SLIT3: variants seen among roughly 807,000 people sequenced by gnomAD.
SLIT3 encodes the protein slit homolog 3 protein.
SLIT3 carries 68 observed loss-of-function variants against 184.0 expected under a neutral mutation model. The observed-to-expected ratio is 0.37, with a 90% CI of 0.30 to 0.45. The LOEUF (loss-of-function observed/expected upper bound fraction) is 0.45. SLIT3 is among the 20% of genes least tolerant of loss of function. The pLI is 1.00. For synonymous variants in SLIT3, 831 were observed against 828.6 expected (o/e 1.00, Z -0.05); for missense variants, 1,707 against 2,026.0 (o/e 0.84, Z 3.02).
chr5:168,901,871 A>G (rs1760884363), intron 4 of SLIT3, among the ~76,000 whole-genome samples: 1 of 152,140 alleles, frequency 6.6e-6, no homozygotes, highest in Non-Finnish European at 1.5e-5. Flanking sequence ...TGACATTTGA[A>G]TAGACAGTCC....
At chr5:168,763,704 T>C (rs957960168) in intron 14 of SLIT3, among the ~76,000 whole-genome samples, 2 of 152,208 alleles carry the variant, frequency 1.3e-5, no homozygotes, top group African/African-American at 4.8e-5. Context: ...CCTTGAATCA[T>C]GCTGGTTGGA....
At chr5:168,892,895 G>T (rs751626743) in intron 4 of SLIT3, among the ~76,000 whole-genome samples, 1 of 152,192 alleles carries the variant, frequency 6.6e-6, no homozygotes. Flanking sequence ...TACATTAGGT[G>T]GGATTGGGGA....
At chr5:168,870,088 G>A (rs1027785198) in intron 5 of SLIT3, among the ~76,000 whole-genome samples, 1 of 152,238 alleles carries the variant, frequency 6.6e-6, no homozygotes, top group African/African-American at 2.4e-5. Context: ...TCCAATAAAA[G>A]AGACCCACAT....
intron 4 of SLIT3, among the ~76,000 whole-genome samples, chr5:169,033,892 A>C (rs1000340440): frequency 6.8e-6 from 1 of 147,366 alleles, no homozygotes; most frequent in Admixed American, 7.0e-5. Context: ...GGCTCACTGC[A>C]ACCTCCACCT....
chr5:169,148,629 G>A (rs955532231), intron 4 of SLIT3, among the ~76,000 whole-genome samples: 6 of 152,210 alleles, frequency 3.9e-5, no homozygotes, highest in African/African-American at 1.4e-4. Context: ...ACGTTGTTCT[G>A]TGGCTGTCGT....
intron 12 of SLIT3, 103 bp from the exon 13 acceptor site, chr5:168,774,481 T>C (rs1326400081): frequency 1.6e-6 from 2 of 1,232,018 alleles, no homozygotes; most frequent in East Asian, 2.4e-5. Flanking sequence ...CCATCACTCA[T>C]CCTTGCAGCC....
At chr5:169,089,041 A>AAG (rs1759456705) in intron 4 of SLIT3, among the ~76,000 whole-genome samples, 1 of 144,724 alleles carries the variant, frequency 6.9e-6, no homozygotes. Flanking sequence ...AAAAAAAAAA[A>AAG]AAAAAAAAAA....
chr5:168,735,111 C>A lies in SLIT3; in HGVS notation c.2271-10627G>T, dbSNP rs571561055. ...TTCAGGAGACTGCCCTCTTGCCCCA[C>A]CAGCCTTAGAACTGCCGGAGTGTTT... On this transcript the variant is annotated intron_variant, in intron 20 of 35. Coordinates refer to ENST00000519560, the MANE Select transcript of SLIT3 (RefSeq NM_003062.4). Among the ~76,000 whole-genome samples the A allele has an allele frequency of 1.1e-4, 16 of 152,314 alleles. No homozygotes were observed. The South Asian group carries it at 2.3e-3, about 22-fold the overall frequency.
intron 4 of SLIT3, among the ~76,000 whole-genome samples, chr5:169,132,911 TA>T (rs1268783201): frequency 8.5e-5 from 13 of 152,248 alleles, no homozygotes; most frequent in Admixed American, 5.2e-4. Context: ...GCCAGGCATT[TA>T]TTTTTTTGAA....
chr5:168,828,458 C>T (rs564140304), intron 6 of SLIT3, among the ~76,000 whole-genome samples: 6 of 151,930 alleles, frequency 3.9e-5, no homozygotes, highest in African/African-American at 1.2e-4. Flanking sequence ...TAGGGAGAAC[C>T]TGTCTCTACC....
chr5:168,757,137 G>A (rs1307301179), intron 16 of SLIT3, among the ~76,000 whole-genome samples: 1 of 152,102 alleles, frequency 6.6e-6, no homozygotes, highest in Non-Finnish European at 1.5e-5. Flanking sequence ...TGTAAGAGCC[G>A]ATCACATTCT....
intron 3 of SLIT3, among the ~76,000 whole-genome samples, chr5:169,224,970 C>T (rs1226364932): frequency 6.6e-6 from 1 of 152,134 alleles, no homozygotes; most frequent in African/African-American, 2.4e-5. Context: ...AGGAATGAGC[C>T]CCCACGTTTG....
At chr5:168,752,898 A>G in intron 18 of SLIT3, 57 bp downstream of exon 18, 1 of 1,539,530 alleles carries the variant, frequency 6.5e-7, no homozygotes, top group Non-Finnish European at 9.0e-7. Context: ...CTGGGAGGAG[A>G]GAGCGCTGCA....
At chr5:169,260,452 G>A (rs181451095) in intron 1 of SLIT3, among the ~76,000 whole-genome samples, 66 of 152,268 alleles carry the variant, frequency 4.3e-4, no homozygotes, top group Non-Finnish European at 8.7e-4. Flanking sequence ...CGGGGTATTC[G>A]TCCTCCCTGA....
At chr5:169,108,046 C>T (rs1431284960) in intron 4 of SLIT3, among the ~76,000 whole-genome samples, 2 of 152,190 alleles carry the variant, frequency 1.3e-5, no homozygotes, top group Non-Finnish European at 2.9e-5. Context: ...CCTCTTTCCC[C>T]CAGCAGACCA....
intron 4 of SLIT3, among the ~76,000 whole-genome samples, chr5:169,142,080 AAAATAAATAAATAAAT>A (rs765749214): frequency 4.7e-5 from 2 of 42,768 alleles, no homozygotes; most frequent in Admixed American, 1.9e-4. Context: ...AATAAAAATA[AAAATAAATAAATAAAT>A]AAATAAATAA....
chr5:169,253,798 G>T (rs1482419521), intron 1 of SLIT3, among the ~76,000 whole-genome samples: 1 of 152,202 alleles, frequency 6.6e-6, no homozygotes, highest in Non-Finnish European at 1.5e-5. Context: ...GACACTCCTT[G>T]TTGGTGTGCT....
At chr5:169,263,467 G>A (rs988054232) in intron 1 of SLIT3, 2 of 374,674 alleles carry the variant, frequency 5.3e-6, no homozygotes, top group South Asian at 2.0e-5. Context: ...CAGGAGCCAG[G>A]AAGGAGCAAG....
chr5:169,132,947 A>C (rs1761360002), intron 4 of SLIT3, among the ~76,000 whole-genome samples: 1 of 151,982 alleles, frequency 6.6e-6, no homozygotes, highest in Non-Finnish European at 1.5e-5. Context: ...TATTATTTTT[A>C]TTTTCAAGCC....
Sources: gnomAD v4.1 joint callset for allele counts (sites outside exome capture counted in the v4.1 genomes callset) on GRCh38, gnomAD v4.1.1 for gene constraint, MANE v1.5 for transcripts, NCBI Gene and HGNC (gene_info 2026-07-23, HGNC 2026-07-21) for gene names.